The following LRRK1 variants were observed in gnomAD, a reference collection of about 807,000 sequenced individuals.
LRRK1 encodes leucine-rich repeat serine/threonine-protein kinase 1.
LRRK1 carries 113 observed loss-of-function variants against 209.1 expected under a neutral mutation model. The ratio of observed to expected loss-of-function variants is 0.54; its 90% confidence interval spans 0.46 to 0.63. The LOEUF (loss-of-function observed/expected upper bound fraction) is 0.63. LRRK1 is among the 30% of genes least tolerant of loss of function. The pLI is 0.00. For synonymous variants in LRRK1, 1,144 were observed against 1,099.7 expected (o/e 1.04, Z -0.80); for missense variants, 2,284 against 2,632.2 (o/e 0.87, Z 2.89).
chr15:100,962,808 T>TATATATATATACAC lies in LRRK1; in HGVS notation c.98-10985_98-10984insCACATATATATATA, dbSNP rs1318948045. On this transcript the variant is annotated intron_variant, in intron 2 of 33. Coordinates refer to ENST00000388948, the MANE Select transcript of LRRK1 (RefSeq NM_024652.6). The stretch of plus-strand genomic sequence containing the variant: ...ATTTCATTTTGCATATATATATATA[T>TATATATATATACAC]ATATATATATATATATTTTTTTTTT... 4.5e-4 allele frequency among the ~76,000 whole-genome samples: 13 copies of TATATATATATACAC among 28,668 alleles called. 2 individuals are homozygous for TATATATATATACAC. Among genetic ancestry groups the TATATATATATACAC allele is most frequent in the South Asian group, 2.7e-3 (2 of 752 alleles). 18.8% of individuals were successfully genotyped at this position (28,668 alleles called of 152,430 possible).
At position 101,077,171 on chromosome 15, in the gene LRRK1, C is replaced by A. The variant is rs1868497475; in HGVS notation, c.*8323C>A. 6.6e-6 allele frequency: 1 copy of A among 152,256 alleles called. No homozygotes were observed. Among genetic ancestry groups the A allele is most frequent in the African/African-American group, 2.4e-5 (1 of 41,468 alleles). The allele number at this position is 152,256 out of a possible 1,614,324, so 9.4% of individuals were successfully genotyped here. ...ATTCAGGCCTGTCCTTGGAATGCTACAAGGTACAGCCCATTTGAGCTCCTG... is the reference window on the plus strand; with the variant it reads ...ATTCAGGCCTGTCCTTGGAATGCTAAAAGGTACAGCCCATTTGAGCTCCTG... On this transcript the variant is annotated 3_prime_UTR_variant, in exon 34 of 34. Transcript: ENST00000388948.
At position 101,040,424 on chromosome 15, in the gene LRRK1, G is replaced by A. The variant is rs117878636; in HGVS notation, c.2964-5557G>A. On this transcript the variant is annotated intron_variant, in intron 20 of 33. Transcript: ENST00000388948. ...CTTTTCTCTCATTCTTTCTTGATCA[G>A]TCTTGCTAAGTGTTTATCAAATTTT... is the stretch of plus-strand genomic sequence containing the variant. Among the ~76,000 whole-genome samples, 983 of 152,026 alleles carry A rather than the reference G, an allele frequency of 6.5e-3. 4 individuals are homozygous for A. The highest frequency in any genetic ancestry group is 0.031 in the Middle Eastern group (9 of 294).
chr15:101,025,822 C>T, intron 16 of LRRK1, 143 bp from the exon 17 acceptor site: 1 of 813,598 alleles, frequency 1.2e-6, no homozygotes, highest in Non-Finnish European at 1.9e-6. Context: ...AGGCAAACAT[C>T]CAAACCGTCT....
chr15:101,019,527 A>G (rs905521576), intron 12 of LRRK1, among the ~76,000 whole-genome samples: 1 of 152,078 alleles, frequency 6.6e-6, no homozygotes, highest in African/African-American at 2.4e-5. Flanking sequence ...TTTTCCAGGC[A>G]TTGGTTTTGG....
intron 2 of LRRK1, among the ~76,000 whole-genome samples, chr15:100,931,097 GA>G (rs1475565018): frequency 6.6e-6 from 1 of 152,228 alleles, no homozygotes; most frequent in Non-Finnish European, 1.5e-5. Flanking sequence ...AAACCGAACA[GA>G]AACACATATC....
intron 12 of LRRK1, among the ~76,000 whole-genome samples, chr15:101,018,513 C>T (rs915715548): frequency 6.6e-6 from 1 of 152,090 alleles, no homozygotes. Flanking sequence ...GGATTAGAAA[C>T]GTGTCTCCAG....
chr15:100,946,397 G>A (rs949076662), intron 2 of LRRK1, among the ~76,000 whole-genome samples: 7 of 152,114 alleles, frequency 4.6e-5, no homozygotes, highest in Non-Finnish European at 1.0e-4. Flanking sequence ...AGACTAGCGA[G>A]ACAATGCACA....
rs758341911 is a variant in LRRK1, at chr15:100,958,799, C to T, written c.98-15005C>T. Among the ~76,000 whole-genome samples, 9 of 152,218 alleles carry T rather than the reference C, an allele frequency of 5.9e-5. 1 individual carries two copies. On this transcript the variant is annotated intron_variant, in intron 2 of 33. Coordinates refer to ENST00000388948, the MANE Select transcript of LRRK1 (RefSeq NM_024652.6). Reference sequence around the variant, plus strand: ...GTGGAGAGGACGGAAATGTGCAGGGCCTGGAGGTGGGCCCAGGAAGCAGCG... The same window carrying T: ...GTGGAGAGGACGGAAATGTGCAGGGTCTGGAGGTGGGCCCAGGAAGCAGCG...
rs1211781027 is a variant in LRRK1, at chr15:101,055,122, G to A, written c.4231G>A (p.Gly1411Arg). The change falls in exon 27 of 34, where the codon GGG becomes AGG. Residue 1411 changes from glycine to arginine, a missense_variant. By Grantham distance (125) the Gly-to-Arg change is moderately radical. Coordinates refer to ENST00000388948, the MANE Select transcript of LRRK1 (RefSeq NM_024652.6). ...CATCAACATCAAGCTATCTGACTAC[G>A]GGATTTCGAGGCAGTCATTCCATGA... The part of the protein sequence containing the change: ...EHINIKLSDY[G>R]ISRQSFHEGA... 1.9e-6 allele frequency: 3 copies of A among 1,613,784 alleles called. No homozygotes were observed. The highest frequency in any genetic ancestry group is 1.7e-6 in the Non-Finnish European group (2 of 1,179,886).
At chr15:100,920,276 A>T (rs983426604) in intron 1 of LRRK1, 1 of 152,252 alleles carries the variant, frequency 6.6e-6, no homozygotes, top group Non-Finnish European at 1.5e-5. Context: ...GGGGGCATAT[A>T]GCTTTCAGCA....
chr15:100,932,048 C>A (rs1284725771), intron 2 of LRRK1, among the ~76,000 whole-genome samples: 6 of 152,224 alleles, frequency 3.9e-5, no homozygotes, highest in African/African-American at 1.4e-4. Flanking sequence ...TGCAATGGCG[C>A]AACCTCGGCT....
chr15:100,927,511 C>A (rs1405767949), intron 2 of LRRK1, among the ~76,000 whole-genome samples: 2 of 152,178 alleles, frequency 1.3e-5, no homozygotes, highest in African/African-American at 4.8e-5. Flanking sequence ...GTGACCTCAG[C>A]AGCCTTCACT....
intron 3 of LRRK1, among the ~76,000 whole-genome samples, chr15:100,982,072 G>T (rs140763664): frequency 1.8e-3 from 261 of 147,998 alleles, no homozygotes; most frequent in South Asian, 4.0e-3. Flanking sequence ...GCCATCCCTG[G>T]CATCCTGAGT....
intron 2 of LRRK1, among the ~76,000 whole-genome samples, chr15:100,973,394 C>T (rs2031062657): frequency 6.6e-6 from 1 of 152,232 alleles, no homozygotes; most frequent in African/African-American, 2.4e-5. Context: ...GTCCACACCC[C>T]CGGGAGGTGG....
At position 100,997,857 on chromosome 15, in the gene LRRK1, G is replaced by A. The variant is rs1419990898; in HGVS notation, c.762+8459G>A. Among the ~76,000 whole-genome samples the A allele has an allele frequency of 4.6e-5, 7 of 152,326 alleles. No homozygotes were observed. The East Asian group carries it at 1.3e-3, about 29-fold the overall frequency. On this transcript the variant is annotated intron_variant, in intron 6 of 33. Coordinates refer to ENST00000388948, the MANE Select transcript of LRRK1 (RefSeq NM_024652.6). ...CCACAAACATGGCCACAGCACTGCTGTTTATGATAAGAAGACATGGGGGAA... is the reference window on the plus strand; with the variant it reads ...CCACAAACATGGCCACAGCACTGCTATTTATGATAAGAAGACATGGGGGAA...
chr15:101,077,969 G>C lies in LRRK1; in HGVS notation c.*9121G>C, dbSNP rs1412714557. Reference sequence around the variant, plus strand: ...TATGCCCTGCCCCACCTTAACTGATGACATTCCACCACAAAAGAAGTGTAA... The same window carrying C: ...TATGCCCTGCCCCACCTTAACTGATCACATTCCACCACAAAAGAAGTGTAA... On this transcript the variant is annotated 3_prime_UTR_variant, in exon 34 of 34. Coordinates refer to ENST00000388948, the MANE Select transcript of LRRK1 (RefSeq NM_024652.6). 6.5e-6 allele frequency: 1 copy of C among 153,196 alleles called. No homozygotes were observed. The highest frequency in any genetic ancestry group is 2.4e-5 in the African/African-American group (1 of 41,434). 9.5% of individuals were successfully genotyped at this position (153,196 alleles called of 1,614,324 possible). A position where few individuals can be genotyped will look rare whatever the true frequency, so the allele number is the denominator to read the frequency against.
chr15:101,052,610 G>T (rs1346899811), intron 24 of LRRK1, among the ~76,000 whole-genome samples: 1 of 152,230 alleles, frequency 6.6e-6, no homozygotes, highest in Non-Finnish European at 1.5e-5. Context: ...CCTTTCAGAA[G>T]AAAACTTCCA....
intron 2 of LRRK1, among the ~76,000 whole-genome samples, chr15:100,971,124 G>A (rs571304725): frequency 6.6e-6 from 1 of 151,994 alleles, no homozygotes; most frequent in East Asian, 1.9e-4. Context: ...ACTTGAGGTC[G>A]AGAGTTTGAG....
At chr15:100,945,744 C>T (rs774561178) in intron 2 of LRRK1, among the ~76,000 whole-genome samples, 10 of 152,208 alleles carry the variant, frequency 6.6e-5, no homozygotes, top group East Asian at 1.9e-4. Flanking sequence ...CCACCTGCCT[C>T]GGCTTCCCAA....
Sources: gnomAD v4.1 joint callset for allele counts (sites outside exome capture counted in the v4.1 genomes callset) on GRCh38, gnomAD v4.1.1 for gene constraint, MANE v1.5 for transcripts, NCBI Gene and HGNC (gene_info 2026-07-23, HGNC 2026-07-21) for gene names.